The following SCT variants were observed in gnomAD, a reference collection of about 807,000 sequenced individuals.
SCT encodes prepro-secretin.
A neutral mutation model predicts 10.9 loss-of-function variants in SCT; 17 were observed. That is an observed-to-expected ratio of 1.55 (90% CI 1.06 to 2.33). SCT has a LOEUF of 2.33. Among genes scored for constraint, SCT ranks in the 30% most tolerant of loss-of-function variants. The pLI, the probability that SCT is intolerant of heterozygous loss-of-function variation, is 0.00. For synonymous variants in SCT, 96 were observed against 73.9 expected (o/e 1.30, Z -1.54); for missense variants, 230 against 165.9 (o/e 1.39, Z -2.12).
chr11:626,555 T>G (rs1248585106), intron 3 of SCT, 25 bp from the exon 4 acceptor site: 1 of 1,540,054 alleles, frequency 6.5e-7, no homozygotes, highest in East Asian at 2.4e-5. Flanking sequence ...CGTGAGGGTC[T>G]GAGGGCTGGG....
intron 2 of SCT, 30 bp from the exon 3 acceptor site, chr11:626,819 C>G: frequency 6.5e-7 from 1 of 1,547,778 alleles, no homozygotes; most frequent in Non-Finnish European, 8.7e-7. Flanking sequence ...AGAGTTAGTC[C>G]TGGAGCTGGG....
rs937691817 is a variant in SCT at position 626,510 on chromosome 11, C to A, written c.287G>T (p.Trp96Leu). ...LQAWMPLDGTWSPWLPPGPMV... is the reference protein window; with the variant it reads ...LQAWMPLDGTLSPWLPPGPMV... ...AGGCCCAGGGGGCAGCCAGGGAGACCAGGTCCCGTCCAGGGGCATCCTGCA... is the reference window on the plus strand; with the variant it reads ...AGGCCCAGGGGGCAGCCAGGGAGACAAGGTCCCGTCCAGGGGCATCCTGCA... Residue 96 changes from tryptophan to leucine, a missense_variant, in exon 4 of 4, where the codon TGG becomes TTG. By Grantham distance (61) the Trp-to-Leu change is moderately conservative. Transcript: ENST00000176195. 1 of 1,560,620 alleles carries A rather than the reference C, an allele frequency of 6.4e-7. No homozygotes were observed. Among genetic ancestry groups the A allele is most frequent in the African/African-American group, 1.4e-5 (1 of 73,638 alleles).
intron 3 of SCT, 47 bp from the exon 4 acceptor site, chr11:626,577 C>T (rs986604952): frequency 4.5e-5 from 68 of 1,506,496 alleles, no homozygotes; most frequent in Non-Finnish European, 5.3e-5. Context: ...CTGGAGACCC[C>T]GGCCCCGCTG....
Position 626,724 on chromosome 11 carries a change from C to T in SCT, c.239G>A (p.Gly80Glu), listed in dbSNP as rs1170379132. 1.3e-6 allele frequency: 2 copies of T among 1,550,440 alleles called. No homozygotes were observed. The highest frequency in any genetic ancestry group is 1.7e-6 in the Non-Finnish European group (2 of 1,146,762). Residue 80 changes from glycine (G) to glutamate (E), a missense_variant, in exon 3 of 4, where the codon GGG becomes GAG. By Grantham distance (98) the Gly-to-Glu change is moderately conservative (BLOSUM62 -2). Coordinates refer to ENST00000176195, the MANE Select transcript of SCT (RefSeq NM_021920.4). ...GGCCTGCAGGATGGGCATGTTGGAC[C>T]CTGACGGGCAGAGCAGACCCGCGCT... ...RLSAGLLCPS[G>E]SNMPILQAWM...
chr11:626,746 C>T lies in SCT; in HGVS notation c.217G>A (p.Ala73Thr), dbSNP rs889276810. ...GACCCTGACGGGCAGAGCAGACCCG[C>T]GCTGAGCCTGGTCCAGGCCATGCTG... Reference protein sequence around the residue: ...ENSMAWTRLSAGLLCPSGSNM... With the variant: ...ENSMAWTRLSTGLLCPSGSNM... The change falls in exon 3 of 4, where the codon GCG becomes ACG. Residue 73 changes from alanine (A) to threonine (T), a missense_variant. Physicochemically the swap from Ala to Thr is moderately conservative, Grantham distance 58. Transcript: ENST00000176195. 2.2e-5 allele frequency: 34 copies of T among 1,550,490 alleles called. No individual in the cohort carries two copies. Among genetic ancestry groups the T allele is most frequent in the Admixed American group, 3.9e-5 (2 of 51,006 alleles).
Position 626,911 on chromosome 11 carries a change from T to C in SCT, c.150A>G (p.Leu50=), listed in dbSNP as rs928628450. The part of the protein sequence containing the change: ...LREGARLQRL[L]QGLVGKRSEQ... ...ACCTGCGCTTCCCCACCAGGCCCTG[T>C]AGCAGCCGCTGGAGCCGCGCGCCCT... Residue 50 remains leucine (L), a synonymous_variant, in exon 2 of 4, where the codon CTA becomes CTG. Coordinates refer to ENST00000176195, the MANE Select transcript of SCT (RefSeq NM_021920.4). 1.0e-5 allele frequency: 16 copies of C among 1,540,050 alleles called. No individual in the cohort carries two copies. In the African/African-American group the frequency reaches 1.8e-4, roughly 17 times the overall value.
intron 2 of SCT, 27 bp downstream of exon 2, chr11:626,861 A>G (rs879501144): frequency 6.5e-7 from 1 of 1,542,762 alleles, no homozygotes; most frequent in Admixed American, 2.0e-5. Context: ...GCACCACGCC[A>G]GGACCCCCCA....
At chr11:627,042 G>T in intron 1 of SCT, 31 bp downstream of exon 1, 2 of 1,098,734 alleles carry the variant, frequency 1.8e-6, no homozygotes, top group Non-Finnish European at 2.4e-6. Context: ...GGTGGGGCCC[G>T]GGGGGCGGGC....
intron 1 of SCT, 29 bp downstream of exon 1, chr11:627,044 G>A (rs895033012): frequency 4.1e-6 from 5 of 1,230,010 alleles, no homozygotes; most frequent in Non-Finnish European, 4.1e-6. Context: ...TGGGGCCCGG[G>A]GGGCGGGCGG....
chr11:626,859 C>T, intron 2 of SCT, 29 bp downstream of exon 2: 2 of 1,543,406 alleles, frequency 1.3e-6, no homozygotes, highest in Non-Finnish European at 1.8e-6. Context: ...GGGCACCACG[C>T]CAGGACCCCC....
rs901991523 is a variant in SCT, at chr11:626,997, C to T, written c.72-8G>A. ...TCTGAGTGTCGCCGGGCCCTGCGGG[C>T]GGTCGGGGGTCGGGGTCAGGGCGCA... On this transcript the variant is annotated splice_polypyrimidine_tract_variant and splice_region_variant and intron_variant, in intron 1 of 3. Transcript: ENST00000176195. 16 of 954,360 alleles carry T rather than the reference C, an allele frequency of 1.7e-5. No homozygotes were observed. Among genetic ancestry groups the T allele is most frequent in the East Asian group, 6.8e-5 (1 of 14,650 alleles). 59.1% of individuals were successfully genotyped at this position (954,360 alleles called of 1,614,324 possible). A position where few individuals can be genotyped will look rare whatever the true frequency, so the allele number is the denominator to read the frequency against.
chr11:626,818 C>T (rs200798676), intron 2 of SCT, 29 bp from the exon 3 acceptor site: 40 of 1,547,628 alleles, frequency 2.6e-5, no homozygotes, highest in Non-Finnish European at 3.5e-5. Context: ...CAGAGTTAGT[C>T]CTGGAGCTGG....
Position 627,061 on chromosome 11 carries a change from CG to C in SCT, c.71+11del. 8.4e-7 allele frequency: 1 copy of C among 1,194,518 alleles called. No individual in the cohort carries two copies. The highest frequency in any genetic ancestry group is 1.6e-5 in the African/African-American group (1 of 61,516). 74.0% of individuals were successfully genotyped at this position (1,194,518 alleles called of 1,614,324 possible). ...GGGCCCGGGGGGCGGGCGGGCCTGG[CG>C]GGCGGCTCACCTGGGGGGCGCGGGG... On this transcript the variant is annotated intron_variant, in intron 1 of 3. Transcript: ENST00000176195.
Position 626,359 on chromosome 11 carries a change from TCCC to T in SCT, c.*69_*71del. 1 of 1,140,930 alleles carries T rather than the reference TCCC, an allele frequency of 8.8e-7. No homozygotes were observed. Among genetic ancestry groups the T allele is most frequent in the Middle Eastern group, 2.6e-4 (1 of 3,888 alleles). 70.7% of individuals were successfully genotyped at this position (1,140,930 alleles called of 1,614,324 possible). A position where few individuals can be genotyped will look rare whatever the true frequency, so the allele number is the denominator to read the frequency against. On this transcript the variant is annotated 3_prime_UTR_variant, in exon 4 of 4. Coordinates refer to ENST00000176195, the MANE Select transcript of SCT (RefSeq NM_021920.4). Reference sequence around the variant, plus strand: ...GTGCCAAGTACCACCCCTCCCCCTCTCCCCCATCCTGCCCCCCACCCCAAATGC... The same window carrying T: ...GTGCCAAGTACCACCCCTCCCCCTCTCCATCCTGCCCCCCACCCCAAATGC...
rs1589950222 is a variant in SCT, at chr11:626,348, C to T, written c.*83G>A. The T allele has an allele frequency of 5.9e-6, 6 of 1,016,510 alleles. No homozygotes were observed. Among genetic ancestry groups the T allele is most frequent in the Non-Finnish European group, 7.4e-6 (5 of 673,318 alleles). The allele number at this position is 1,016,510 out of a possible 1,614,324, so 63.0% of individuals were successfully genotyped here. Reference sequence around the variant, plus strand: ...CTCCTTTATTGGTGCCAAGTACCACCCCTCCCCCTCTCCCCCATCCTGCCC... The same window carrying T: ...CTCCTTTATTGGTGCCAAGTACCACTCCTCCCCCTCTCCCCCATCCTGCCC... On this transcript the variant is annotated 3_prime_UTR_variant, in exon 4 of 4. Transcript: ENST00000176195.
chr11:626,352 C>T lies in SCT; in HGVS notation c.*79G>A. On this transcript the variant is annotated 3_prime_UTR_variant, in exon 4 of 4. Coordinates refer to ENST00000176195, the MANE Select transcript of SCT (RefSeq NM_021920.4). ...TTTATTGGTGCCAAGTACCACCCCT[C>T]CCCCTCTCCCCCATCCTGCCCCCCA... 3 of 1,052,108 alleles carry T rather than the reference C, an allele frequency of 2.9e-6. No individual in the cohort carries two copies. Among genetic ancestry groups the T allele is most frequent in the Non-Finnish European group, 4.3e-6 (3 of 704,570 alleles). The allele number at this position is 1,052,108 out of a possible 1,614,324, so 65.2% of individuals were successfully genotyped here.
rs773971985 is a variant in SCT, at chr11:626,913, G to C, written c.148C>G (p.Leu50Val). 1.3e-6 allele frequency: 2 copies of C among 1,539,966 alleles called. No individual in the cohort carries two copies. The highest frequency in any genetic ancestry group is 1.2e-5 in the South Asian group (1 of 83,974). ...CTGCGCTTCCCCACCAGGCCCTGTA[G>C]CAGCCGCTGGAGCCGCGCGCCCTCC... ...LREGARLQRL[L>V]QGLVGKRSEQ... The change falls in exon 2 of 4, where the codon CTA (leucine) becomes GTA (valine). Residue 50 changes from leucine (L) to valine (V), a missense_variant. Coordinates refer to ENST00000176195, the MANE Select transcript of SCT (RefSeq NM_021920.4).
chr11:626,964 A>ACGTCCCGTCTGAGTGTCGC lies in SCT; in HGVS notation c.78_96dup (p.Phe33AlafsTer?), dbSNP rs1564906654. 1.4e-6 allele frequency: 2 copies of ACGTCCCGTCTGAGTGTCGC among 1,454,854 alleles called. No individual in the cohort carries two copies. The highest frequency in any genetic ancestry group is 2.4e-5 in the South Asian group (2 of 82,896). 90.1% of individuals were successfully genotyped at this position (1,454,854 alleles called of 1,614,324 possible). ...CGCAGGCGGCTGAGCTCGCTGGTGA[A>ACGTCCCGTCTGAGTGTCGC]CGTCCCGTCTGAGTGTCGCCGGGCC... is the stretch of plus-strand genomic sequence containing the variant. On this transcript the variant is annotated frameshift_variant, in exon 2 of 4. Coordinates refer to ENST00000176195, the MANE Select transcript of SCT (RefSeq NM_021920.4). LOFTEE classifies it high-confidence loss of function.
Position 626,843 on chromosome 11 carries a change from C to T in SCT, c.173+45G>A, listed in dbSNP as rs747104641. On this transcript the variant is annotated intron_variant, in intron 2 of 3. Transcript: ENST00000176195. ...CCTGGAGCTGGGGGGTCGCGCGTTG[C>T]TGCTGGGGCACCACGCCAGGACCCC... 31 of 1,543,124 alleles carry T rather than the reference C, an allele frequency of 2.0e-5. No homozygotes were observed. In the South Asian group the frequency reaches 3.7e-4, roughly 18 times the overall value.
Sources: allele counts gnomAD v4.1 joint callset, GRCh38; gene constraint gnomAD v4.1.1; transcripts MANE v1.5; gene names NCBI Gene and HGNC (gene_info 2026-07-23, HGNC 2026-07-21).